The following NXPH1 variants were observed in gnomAD, a reference collection of about 807,000 sequenced individuals.
The protein encoded by NXPH1 is neurexophilin 1, also known as neurexophilin-1.
A neutral mutation model predicts 23.7 loss-of-function variants in NXPH1; 5 were observed. That is an observed-to-expected ratio of 0.21 (90% CI 0.11 to 0.44). The LOEUF (loss-of-function observed/expected upper bound fraction) is 0.44. Ranked by LOEUF, NXPH1 falls within the 20% of genes least tolerant of loss-of-function variation. NXPH1 has a pLI of 0.99. For missense variants in NXPH1, 324 were observed against 321.6 expected (o/e 1.01, Z -0.06); for synonymous variants, 144 against 122.2 (o/e 1.18, Z -1.18).
intron 2 of NXPH1, among the ~76,000 whole-genome samples, chr7:8,721,560 G>C (rs1378061097): frequency 6.6e-6 from 1 of 152,260 alleles, no homozygotes; most frequent in African/African-American, 2.4e-5. Flanking sequence ...TGGATCACGA[G>C]GTCAGGAGAT....
Position 8,752,397 on chromosome 7 carries a change from T to C in NXPH1, c.*628T>C, listed in dbSNP as rs1562475536. On this transcript the variant is annotated 3_prime_UTR_variant, in exon 3 of 3. Coordinates refer to ENST00000405863, the MANE Select transcript of NXPH1 (RefSeq NM_152745.3). ...TAGGCACATTCAAAGTGGTCCAAGA[T>C]GGCTCTTTTTTCTTTGAAAGGGGCC... 6.6e-6 allele frequency: 1 copy of C among 152,660 alleles called. No individual in the cohort carries two copies. Among genetic ancestry groups the C allele is most frequent in the Non-Finnish European group, 1.5e-5 (1 of 68,088 alleles). The allele number at this position is 152,660 out of a possible 1,614,324, so 9.5% of individuals were successfully genotyped here. A position where few individuals can be genotyped will look rare whatever the true frequency, so the allele number is the denominator to read the frequency against.
chr7:8,698,995 A>G (rs1447655759), intron 2 of NXPH1, among the ~76,000 whole-genome samples: 1 of 152,158 alleles, frequency 6.6e-6, no homozygotes, highest in African/African-American at 2.4e-5. Context: ...AAAATGTTTT[A>G]AAGCTGTGTC....
chr7:8,535,012 C>T (rs1818006009), intron 2 of NXPH1, among the ~76,000 whole-genome samples: 1 of 152,044 alleles, frequency 6.6e-6, no homozygotes, highest in South Asian at 2.1e-4. Flanking sequence ...GTTTACATAT[C>T]ATTTAATATT....
At chr7:8,533,271 A>G (rs929904814) in intron 2 of NXPH1, among the ~76,000 whole-genome samples, 3 of 152,110 alleles carry the variant, frequency 2.0e-5, no homozygotes, top group South Asian at 4.1e-4. Flanking sequence ...CATCAGCCCA[A>G]TACTGAAGTT....
chr7:8,521,862 G>A (rs926347963), intron 2 of NXPH1, among the ~76,000 whole-genome samples: 1 of 152,096 alleles, frequency 6.6e-6, no homozygotes, highest in Admixed American at 6.5e-5. Context: ...GGGTGGAAGC[G>A]ATTTGAAGGA....
chr7:8,583,026 T>A (rs1475428610), intron 2 of NXPH1, among the ~76,000 whole-genome samples: 1 of 152,208 alleles, frequency 6.6e-6, no homozygotes, highest in African/African-American at 2.4e-5. Flanking sequence ...GGCAGGTGGC[T>A]GGCATGTCAG....
At chr7:8,674,971 G>C (rs1046873722) in intron 2 of NXPH1, among the ~76,000 whole-genome samples, 7 of 152,116 alleles carry the variant, frequency 4.6e-5, no homozygotes, top group Non-Finnish European at 4.4e-5. Flanking sequence ...ATTGTTCTAA[G>C]CCAACTTAGT....
At chr7:8,648,990 CTT>C (rs59235477) in intron 2 of NXPH1, among the ~76,000 whole-genome samples, 105,750 of 149,364 alleles carry the variant, frequency 0.71, 37,931 homozygotes, top group East Asian at 1. Context: ...TAAAAATCTG[CTT>C]TTTTTTTTTA....
intron 2 of NXPH1, among the ~76,000 whole-genome samples, chr7:8,561,572 C>T (rs1335047797): frequency 6.6e-6 from 1 of 151,650 alleles, no homozygotes; most frequent in South Asian, 2.1e-4. Context: ...TAAAATGGGT[C>T]GAGTCACATG....
At chr7:8,503,190 C>CACTTT (rs1173456130) in intron 2 of NXPH1, among the ~76,000 whole-genome samples, 20 of 152,020 alleles carry the variant, frequency 1.3e-4, no homozygotes, top group African/African-American at 1.4e-4. Context: ...ATAACTGGAA[C>CACTTT]ACTTTTTAAC....
chr7:8,450,398 A>C (rs1584162520), intron 2 of NXPH1, among the ~76,000 whole-genome samples: 1 of 152,386 alleles, frequency 6.6e-6, no homozygotes, highest in Admixed American at 6.5e-5. Flanking sequence ...AAAACCTTAC[A>C]GTCAAAAGAG....
intron 2 of NXPH1, among the ~76,000 whole-genome samples, chr7:8,529,364 G>C (rs142521964): frequency 6.6e-6 from 1 of 152,340 alleles, no homozygotes; most frequent in Non-Finnish European, 1.5e-5. Context: ...GATTACAGCA[G>C]GAAGCACAGT....
intron 2 of NXPH1, among the ~76,000 whole-genome samples, chr7:8,468,178 G>C (rs1816814783): frequency 6.6e-6 from 1 of 152,064 alleles, no homozygotes; most frequent in African/African-American, 2.4e-5. Context: ...CCAGAATGTA[G>C]CATATGAGAT....
intron 2 of NXPH1, among the ~76,000 whole-genome samples, chr7:8,602,426 C>T (rs1358745336): frequency 1.3e-5 from 2 of 152,122 alleles, no homozygotes; most frequent in East Asian, 1.9e-4. Flanking sequence ...CTGATTTATA[C>T]TTTGGTCTCT....
At chr7:8,482,450 T>C (rs1817091141) in intron 2 of NXPH1, among the ~76,000 whole-genome samples, 1 of 152,304 alleles carries the variant, frequency 6.6e-6, no homozygotes, top group South Asian at 2.1e-4. Flanking sequence ...TGGGAGTCTT[T>C]AGGTTCTCTT....
chr7:8,672,045 A>G (rs1206043307), intron 2 of NXPH1, among the ~76,000 whole-genome samples: 1 of 152,064 alleles, frequency 6.6e-6, no homozygotes, highest in East Asian at 1.9e-4. Flanking sequence ...CCCATTTTGT[A>G]GGTTGCCTGT....
chr7:8,714,013 T>C (rs902399455), intron 2 of NXPH1, among the ~76,000 whole-genome samples: 27 of 152,158 alleles, frequency 1.8e-4, no homozygotes, highest in African/African-American at 6.5e-4. Flanking sequence ...CAATTTACAA[T>C]TAGCAAGTGT....
At chr7:8,454,101 G>GA (rs1204877576) in intron 2 of NXPH1, among the ~76,000 whole-genome samples, 2 of 151,678 alleles carry the variant, frequency 1.3e-5, no homozygotes, top group Non-Finnish European at 2.9e-5. Flanking sequence ...GGGTGGAGTG[G>GA]GGAGGAGAGA....
intron 2 of NXPH1, among the ~76,000 whole-genome samples, chr7:8,585,691 TTAAAA>T (rs1384958208): frequency 1.3e-5 from 2 of 152,200 alleles, no homozygotes; most frequent in Non-Finnish European, 2.9e-5. Context: ...TGTTTGTGTA[TTAAAA>T]TAAAAAAGAT....
Sources: gnomAD v4.1 joint callset for allele counts (sites outside exome capture counted in the v4.1 genomes callset) on GRCh38, gnomAD v4.1.1 for gene constraint, MANE v1.5 for transcripts, NCBI Gene and HGNC (gene_info 2026-07-23, HGNC 2026-07-21) for gene names.